SMG6: variants seen among roughly 807,000 people sequenced by gnomAD.
SMG6 encodes the protein telomerase-binding protein EST1A.
SMG6 carries 66 observed loss-of-function variants against 142.2 expected under a neutral mutation model. The ratio of observed to expected loss-of-function variants is 0.46; its 90% CI spans 0.38 to 0.57. The LOEUF is 0.57. SMG6 is among the 20% of genes least tolerant of loss of function. SMG6 has a pLI of 0.00. For missense variants in SMG6, 1,793 were observed against 1,832.0 expected (o/e 0.98, Z 0.39); for synonymous variants, 779 against 702.4 (o/e 1.11, Z -1.72).
chr17:2,263,663 T>C (rs2074364056), intron 8 of SMG6, among the ~76,000 whole-genome samples: 1 of 152,154 alleles, frequency 6.6e-6, no homozygotes, highest in African/African-American at 2.4e-5. Flanking sequence ...CCACTCATAC[T>C]AGGGAGAAAA....
At chr17:2,127,138 CAAAAAAAA>C (rs941523968) in intron 13 of SMG6, among the ~76,000 whole-genome samples, 1 of 51,276 alleles carries the variant, frequency 2.0e-5, no homozygotes, top group Non-Finnish European at 4.1e-5. Context: ...GACCTTGTCT[CAAAAAAAA>C]AAAAAAAAAA....
chr17:2,162,597 A>C (rs940485416), intron 13 of SMG6, among the ~76,000 whole-genome samples: 3 of 150,858 alleles, frequency 2.0e-5, no homozygotes, highest in South Asian at 4.2e-4. Context: ...CAGGAAGCTG[A>C]GGCGGGAATA....
intron 8 of SMG6, among the ~76,000 whole-genome samples, chr17:2,276,327 G>T (rs2074647817): frequency 6.6e-6 from 1 of 151,930 alleles, no homozygotes; most frequent in Non-Finnish European, 1.5e-5. Context: ...AGCTACCCCA[G>T]TTCACCACAG....
intron 4 of SMG6, among the ~76,000 whole-genome samples, chr17:2,295,235 G>C (rs999030695): frequency 6.6e-6 from 1 of 152,126 alleles, no homozygotes; most frequent in Non-Finnish European, 1.5e-5. Context: ...AAAAAGGCAA[G>C]AGGAAGCCTC....
intron 10 of SMG6, among the ~76,000 whole-genome samples, chr17:2,228,013 G>C (rs2073366945): frequency 6.6e-6 from 1 of 152,174 alleles, no homozygotes; most frequent in Non-Finnish European, 1.5e-5. Flanking sequence ...TAAATAGTAT[G>C]ATTAGCACGA....
intron 10 of SMG6, among the ~76,000 whole-genome samples, chr17:2,211,403 G>A (rs1330021850): frequency 4.6e-5 from 7 of 152,094 alleles, no homozygotes; most frequent in African/African-American, 1.7e-4. Context: ...GGTGGCTCAC[G>A]CCTGTAATCC....
rs775390129 is a variant in SMG6, at chr17:2,085,839, T to C, written c.3420A>G (p.Gly1140=). 3 of 1,614,202 alleles carry C rather than the reference T, an allele frequency of 1.9e-6. No homozygotes were observed. Among genetic ancestry groups the C allele is most frequent in the East Asian group, 4.5e-5 (2 of 44,886 alleles). The change falls in exon 14 of 19, where the codon GGA becomes GGG. Residue 1140 remains glycine, a synonymous_variant. Transcript: ENST00000263073. This position sits in a 1 kb window ranked among gnomAD's most constrained non-coding sequence, Gnocchi z 4.1. ...TGAATGCCAGCAGAGGCTCTTCTTG[T>C]CCACAAAGGGCTTCCAGAAAATACT... The part of the protein sequence containing the change: ...VLKYFLEALC[G]QEEPLLAFKG...
chr17:2,160,471 G>A (rs1226529173), intron 13 of SMG6, among the ~76,000 whole-genome samples: 2 of 152,014 alleles, frequency 1.3e-5, no homozygotes, highest in Non-Finnish European at 2.9e-5. Flanking sequence ...CGCCTGCCTC[G>A]GCCTCCCAAA....
chr17:2,290,254 G>A (rs750977183), intron 6 of SMG6, among the ~76,000 whole-genome samples: 1 of 152,182 alleles, frequency 6.6e-6, no homozygotes, highest in Non-Finnish European at 1.5e-5. Context: ...AGACAGTGTG[G>A]TACTGACCAA....
At chr17:2,150,202 C>A (rs1284972516) in intron 13 of SMG6, among the ~76,000 whole-genome samples, 2 of 152,216 alleles carry the variant, frequency 1.3e-5, no homozygotes, top group Non-Finnish European at 2.9e-5. Context: ...TATTGTGAAC[C>A]ACACGTGCAA....
At chr17:2,245,574 G>C (rs1432522343) in intron 8 of SMG6, among the ~76,000 whole-genome samples, 1 of 152,122 alleles carries the variant, frequency 6.6e-6, no homozygotes, top group Non-Finnish European at 1.5e-5. Flanking sequence ...TAGAAGAGAC[G>C]GGGTTTTGCC....
intron 13 of SMG6, among the ~76,000 whole-genome samples, chr17:2,148,096 T>TGG (rs2070722471): frequency 1.3e-5 from 2 of 151,880 alleles, no homozygotes; most frequent in Non-Finnish European, 2.9e-5. Context: ...GAGGCTGAGG[T>TGG]GGGACGATCG....
intron 13 of SMG6, among the ~76,000 whole-genome samples, chr17:2,112,655 G>A (rs2069373796): frequency 6.7e-6 from 1 of 149,720 alleles, no homozygotes; most frequent in African/African-American, 2.5e-5. Flanking sequence ...TTCCACTAGG[G>A]AATTGAGAAC....
intron 8 of SMG6, among the ~76,000 whole-genome samples, chr17:2,246,954 T>C (rs551443914): frequency 6.6e-6 from 1 of 151,854 alleles, no homozygotes; most frequent in South Asian, 2.1e-4. Context: ...TCTCAAAAAA[T>C]AAAACAAAAC....
At chr17:2,224,773 G>A (rs1008442317) in intron 10 of SMG6, among the ~76,000 whole-genome samples, 16 of 152,192 alleles carry the variant, frequency 1.1e-4, no homozygotes, top group African/African-American at 3.9e-4. Flanking sequence ...CATGAAGCCC[G>A]ACAAATACTT....
intron 10 of SMG6, among the ~76,000 whole-genome samples, chr17:2,214,790 G>A (rs533797509): frequency 1.1e-4 from 17 of 152,186 alleles, no homozygotes; most frequent in Non-Finnish European, 1.6e-4. Flanking sequence ...CGCTGTCGAA[G>A]TAGCTCTCTT....
At chr17:2,213,775 T>C (rs916746407) in intron 10 of SMG6, 1 of 152,210 alleles carries the variant, frequency 6.6e-6, no homozygotes. Context: ...CAACAAAGTC[T>C]ACCACGGATC....
chr17:2,111,139 G>T (rs2069304069), intron 13 of SMG6, among the ~76,000 whole-genome samples: 1 of 152,118 alleles, frequency 6.6e-6, no homozygotes, highest in Admixed American at 6.6e-5. Flanking sequence ...GGTGTGGCAG[G>T]CCCTATTCAA....
At chr17:2,221,303 G>C (rs1214729863) in intron 10 of SMG6, among the ~76,000 whole-genome samples, 1 of 152,118 alleles carries the variant, frequency 6.6e-6, no homozygotes, top group African/African-American at 2.4e-5. Flanking sequence ...TCCTGATGGA[G>C]CTCTCGGGAC....
Sources: allele counts gnomAD v4.1 joint callset (sites outside exome capture counted in the v4.1 genomes callset), GRCh38; gene constraint gnomAD v4.1.1; non-coding constraint Gnocchi (gnomAD v3.1); transcripts MANE v1.5; gene names NCBI Gene and HGNC (gene_info 2026-07-23, HGNC 2026-07-21).